PDIA6: variants seen among roughly 807,000 people sequenced by gnomAD.
PDIA6 encodes the protein protein disulfide isomerase family A member 6.
Under a neutral mutation model 58.4 loss-of-function variants are expected in PDIA6, and 29 were observed. The observed-to-expected ratio is 0.50, with a 90% CI of 0.37 to 0.68. PDIA6 has a LOEUF of 0.68. PDIA6 is among the 30% of genes least tolerant of loss of function. PDIA6 has a pLI of 0.00. For synonymous variants in PDIA6, 192 were observed against 202.6 expected, an observed-to-expected ratio of 0.95 and a Z score of 0.44; for missense variants, 480 against 551.0, an observed-to-expected ratio of 0.87 and a Z score of 1.29.
upstream of PDIA6, among the ~76,000 whole-genome samples, chr2:10,836,030 A>C (rs967684620): frequency 6.7e-6 from 1 of 150,198 alleles, no homozygotes; most frequent in Non-Finnish European, 1.5e-5. Context: ...TCCATCCTGG[A>C]CAACAGGGCA....
At chr2:10,813,555 G>C (rs1297020166), upstream of PDIA6, among the ~76,000 whole-genome samples, 5 of 152,240 alleles carry the variant, frequency 3.3e-5, no homozygotes, top group African/African-American at 1.2e-4. Context: ...TGAACTCCTG[G>C]GCTGCAGTGA....
intron 1 of PDIA6, among the ~76,000 whole-genome samples, chr2:10,830,869 C>T (rs1038205375): frequency 5.9e-5 from 9 of 152,176 alleles, no homozygotes; most frequent in South Asian, 4.1e-4. Context: ...AGGAGGCACA[C>T]GGGGCACTTC....
intron 2 of PDIA6, among the ~76,000 whole-genome samples, chr2:10,798,765 G>C (rs910787288): frequency 6.6e-6 from 1 of 152,210 alleles, no homozygotes; most frequent in African/African-American, 2.4e-5. Flanking sequence ...AGTGGAAGAA[G>C]TGCATTTTAT....
intron 1 of PDIA6, among the ~76,000 whole-genome samples, chr2:10,806,025 TAAAAAA>T (rs80344702): frequency 0.058 from 4,052 of 69,616 alleles, 112 homozygotes; most frequent in South Asian, 0.12. Flanking sequence ...AAAGTATAAT[TAAAAAA>T]AAAAAAAAAA....
At chr2:10,802,207 T>C (rs1734359) in intron 2 of PDIA6, among the ~76,000 whole-genome samples, 74,192 of 152,036 alleles carry the variant, frequency 0.49, 19,646 homozygotes, top group South Asian at 0.58. Context: ...TTTCAGGAAA[T>C]AATTCTCTTC....
At chr2:10,797,029 AC>A in intron 4 of PDIA6, 51 bp downstream of exon 4, 1 of 1,542,764 alleles carries the variant, frequency 6.5e-7, no homozygotes, top group Non-Finnish European at 8.9e-7. Flanking sequence ...TTGTTAAAGA[AC>A]AGTAGGTTCT....
At chr2:10,796,935 G>A in intron 4 of PDIA6, 146 bp downstream of exon 4, 1 of 687,574 alleles carries the variant, frequency 1.5e-6, no homozygotes, top group Non-Finnish European at 2.5e-6. Context: ...TGACTCGGAG[G>A]GTATAGGAAT....
At chr2:10,796,139 C>T (rs907610167) in intron 4 of PDIA6, among the ~76,000 whole-genome samples, 8 of 151,654 alleles carry the variant, frequency 5.3e-5, no homozygotes, top group African/African-American at 1.5e-4. Flanking sequence ...CTGCAAGCTC[C>T]GCCTTCCGGG....
upstream of PDIA6, chr2:10,815,449 A>G (rs1667162388): frequency 6.6e-6 from 1 of 152,178 alleles, no homozygotes; most frequent in African/African-American, 2.4e-5. Flanking sequence ...GGTAAAATAT[A>G]CATGCAGTTT....
upstream of PDIA6, among the ~76,000 whole-genome samples, chr2:10,816,526 CT>C (rs201746817): frequency 0.053 from 7,126 of 134,952 alleles, 216 homozygotes; most frequent in East Asian, 0.12. Flanking sequence ...TTTGTGCTTT[CT>C]TTTTTTTTTT....
Position 10,783,696 on chromosome 2 carries a change from T to C in PDIA6, c.*562A>G, listed in dbSNP as rs1665541155. 5 of 163,182 alleles carry C rather than the reference T, an allele frequency of 3.1e-5. No individual in the cohort carries two copies. In the South Asian group the frequency reaches 6.9e-4, roughly 23 times the overall value. 10.1% of individuals were successfully genotyped at this position (163,182 alleles called of 1,614,324 possible). A position where few individuals can be genotyped will look rare whatever the true frequency, so the allele number is the denominator to read the frequency against. The stretch of plus-strand genomic sequence containing the variant: ...GAGCCCGGTTTCCATGTAAAATCTC[T>C]GTTGTGGTGGGCATAGGTGGCACCA... On this transcript the variant is annotated 3_prime_UTR_variant, in exon 13 of 13. Transcript: ENST00000272227.
chr2:10,832,512 G>A, upstream of PDIA6: 5 of 850,282 alleles, frequency 5.9e-6, no homozygotes, highest in Non-Finnish European at 7.1e-6. Flanking sequence ...TGACCGCAAG[G>A]GGGCGCTCTG....
chr2:10,825,051 A>G (rs1039387542), intron 1 of PDIA6, among the ~76,000 whole-genome samples: 1 of 152,168 alleles, frequency 6.6e-6, no homozygotes, highest in Non-Finnish European at 1.5e-5. Context: ...GCAGGTGGAA[A>G]AAAACGTGAA....
chr2:10,814,592 G>A (rs968575538), upstream of PDIA6, among the ~76,000 whole-genome samples: 2 of 152,168 alleles, frequency 1.3e-5, no homozygotes, highest in Non-Finnish European at 2.9e-5. Context: ...TAAATTTGCT[G>A]CTGTTGCTGA....
At chr2:10,793,263 C>G (rs1166018119) in intron 4 of PDIA6, 61 bp from the exon 5 acceptor site, 3 of 1,126,784 alleles carry the variant, frequency 2.7e-6, no homozygotes, top group African/African-American at 1.5e-5. Flanking sequence ...CTCATCTGGC[C>G]CGGCCCAAGA....
rs560160445 is a variant in PDIA6, at chr2:10,788,885, C to T, written c.925+12G>A. The stretch of plus-strand genomic sequence containing the variant: ...TAGAACAGCTAAGGGAAATCATTTC[C>T]GTCTGTCTTACCAGTATCAAGGATA... On this transcript the variant is annotated intron_variant, in intron 9 of 12. Coordinates refer to ENST00000272227, the MANE Select transcript of PDIA6 (RefSeq NM_005742.4). The T allele has an allele frequency of 5.2e-5, 83 of 1,606,358 alleles. 2 individuals carry two copies. In the South Asian group the frequency reaches 7.8e-4, roughly 15 times the overall value.
At chr2:10,814,228 T>G (rs1312687764), upstream of PDIA6, among the ~76,000 whole-genome samples, 1 of 152,204 alleles carries the variant, frequency 6.6e-6, no homozygotes, top group Admixed American at 6.5e-5. Context: ...GAAGTGGCAC[T>G]AGAGCTGCGT....
At chr2:10,802,040 A>T (rs1558448826) in intron 2 of PDIA6, among the ~76,000 whole-genome samples, 1 of 152,232 alleles carries the variant, frequency 6.6e-6, no homozygotes. Flanking sequence ...CTTTAATCAC[A>T]CAAATAACTA....
intron 2 of PDIA6, 111 bp from the exon 3 acceptor site, chr2:10,797,868 T>C: frequency 1.3e-6 from 1 of 781,054 alleles, no homozygotes; most frequent in African/African-American, 1.8e-5. Flanking sequence ...ATGAGATGCC[T>C]GCAAAGAGGA....
Sources: gnomAD v4.1 joint callset for allele counts (sites outside exome capture counted in the v4.1 genomes callset) on GRCh38, gnomAD v4.1.1 for gene constraint, MANE v1.5 for transcripts, NCBI Gene and HGNC (gene_info 2026-07-23, HGNC 2026-07-21) for gene names.